DENND4A: variants seen among roughly 807,000 people sequenced by gnomAD.
DENND4A encodes the protein C-myc promoter-binding protein.
Under a neutral mutation model 199.3 loss-of-function variants are expected in DENND4A, and 70 were observed. That is an observed-to-expected ratio of 0.35 (90% CI 0.29 to 0.43). DENND4A has a LOEUF of 0.43. Ranked by LOEUF, DENND4A falls within the 20% of genes least tolerant of loss-of-function variation. The probability of loss-of-function intolerance (pLI) is 1.00; values close to 1 mark genes in which losing one functional copy is unlikely to be tolerated. For synonymous variants in DENND4A, 686 were observed against 766.9 expected (o/e 0.89, Z 1.74); for missense variants, 1,723 against 2,255.8 (o/e 0.76, Z 4.78).
intron 1 of DENND4A, among the ~76,000 whole-genome samples, chr15:65,786,873 T>C (rs1165140000): frequency 6.6e-6 from 1 of 152,086 alleles, no homozygotes. Context: ...ACAAATCAAA[T>C]TCATTACAAC....
intron 1 of DENND4A, among the ~76,000 whole-genome samples, chr15:65,765,717 G>C (rs2076966971): frequency 6.6e-6 from 1 of 152,064 alleles, no homozygotes; most frequent in Admixed American, 6.6e-5. Flanking sequence ...CCCTAGTATT[G>C]CCCTGTATAA....
intron 4 of DENND4A, among the ~76,000 whole-genome samples, chr15:65,748,622 T>TAA (rs35086835): frequency 3.9e-5 from 5 of 127,840 alleles, no homozygotes; most frequent in Non-Finnish European, 5.1e-5. Context: ...ATCCTGTCTC[T>TAA]AAAAAAAAAA....
intron 23 of DENND4A, among the ~76,000 whole-genome samples, chr15:65,679,758 C>T (rs2076508432): frequency 6.6e-6 from 1 of 151,882 alleles, no homozygotes; most frequent in Non-Finnish European, 1.5e-5. Flanking sequence ...TGAACTCAGA[C>T]CTTCCCTTGA....
At chr15:65,696,571 C>G (rs1033882863) in intron 21 of DENND4A, 74 bp from the exon 22 acceptor site, 1 of 1,124,522 alleles carries the variant, frequency 8.9e-7, no homozygotes, top group East Asian at 2.6e-5. Context: ...GAGAAGTTTT[C>G]AGTTCTACAT....
At chr15:65,686,061 C>T (rs907248700) in intron 23 of DENND4A, among the ~76,000 whole-genome samples, 2 of 152,114 alleles carry the variant, frequency 1.3e-5, no homozygotes, top group Non-Finnish European at 2.9e-5. Context: ...CTACAAAATC[C>T]TGCTAGAATT....
intron 12 of DENND4A, among the ~76,000 whole-genome samples, chr15:65,721,525 T>C (rs73471632): frequency 0.014 from 2,076 of 146,980 alleles, 45 homozygotes; most frequent in African/African-American, 0.05. Flanking sequence ...TCCTTAACAG[T>C]AGAAAAGAGC....
chr15:65,752,701 A>G (rs989047624), intron 3 of DENND4A, 73 bp from the exon 4 acceptor site: 1 of 969,734 alleles, frequency 1.0e-6, no homozygotes, highest in African/African-American at 1.7e-5. Flanking sequence ...AGGCATCATC[A>G]ACTGATCCTT....
intron 14 of DENND4A, among the ~76,000 whole-genome samples, chr15:65,709,669 G>A (rs1317727709): frequency 8.5e-6 from 1 of 117,204 alleles, no homozygotes; most frequent in African/African-American, 3.3e-5. Context: ...ACTCCAGCCT[G>A]GGCAACAAGA....
chr15:65,724,283 T>A (rs1596530573), intron 11 of DENND4A, among the ~76,000 whole-genome samples: 1 of 151,964 alleles, frequency 6.6e-6, no homozygotes, highest in African/African-American at 2.4e-5. Flanking sequence ...GGTCTTGAAC[T>A]CCACATCTTA....
chr15:65,731,260 A>AT, intron 9 of DENND4A: 3 of 310,626 alleles, frequency 9.7e-6, no homozygotes, highest in South Asian at 3.1e-5. Flanking sequence ...AATTAGAACT[A>AT]TTTTTTTTCT....
At chr15:65,707,453 C>G (rs1458804810) in intron 14 of DENND4A, among the ~76,000 whole-genome samples, 1 of 152,008 alleles carries the variant, frequency 6.6e-6, no homozygotes, top group Admixed American at 6.6e-5. Context: ...TAAAAATTTT[C>G]TAACACTTAA....
At chr15:65,687,384 T>A (rs562538084) in intron 23 of DENND4A, among the ~76,000 whole-genome samples, 1 of 152,170 alleles carries the variant, frequency 6.6e-6, no homozygotes, top group African/African-American at 2.4e-5. Context: ...TGGACAATTA[T>A]AGGTTTTTCT....
At chr15:65,700,735 T>C in intron 19 of DENND4A, 60 bp from the exon 20 acceptor site, 1 of 1,429,792 alleles carries the variant, frequency 7.0e-7, no homozygotes, top group Non-Finnish European at 9.2e-7. Flanking sequence ...CATTAATTTG[T>C]TGCTCAAGCT....
chr15:65,748,355 T>C (rs1002428854), intron 4 of DENND4A, among the ~76,000 whole-genome samples: 2 of 151,970 alleles, frequency 1.3e-5, no homozygotes, highest in Admixed American at 1.3e-4. Context: ...AAGTCACTCA[T>C]GCCTGCAATC....
chr15:65,739,263 C>G (rs567760240), intron 5 of DENND4A, among the ~76,000 whole-genome samples: 4 of 152,174 alleles, frequency 2.6e-5, no homozygotes, highest in African/African-American at 9.7e-5. Context: ...CTCTCAATAA[C>G]TTTTACACAT....
intron 24 of DENND4A, among the ~76,000 whole-genome samples, chr15:65,674,709 G>C (rs1325561317): frequency 6.7e-6 from 1 of 149,350 alleles, no homozygotes; most frequent in East Asian, 1.9e-4. Context: ...ACTCCAGCCT[G>C]AGCAACAGAG....
intron 9 of DENND4A, 118 bp downstream of exon 9, chr15:65,731,524 G>A: frequency 1.2e-6 from 1 of 803,260 alleles, no homozygotes; most frequent in South Asian, 1.5e-5. Flanking sequence ...ATTTAGAGAA[G>A]TAGTAGTTAA....
Position 65,706,118 on chromosome 15 carries a change from T to C in DENND4A, c.2060A>G (p.Asn687Ser), listed in dbSNP as rs760011499. ...VTPPEIPHLP[N>S]GEEPPLQYSY... ...GTACTGTAAAGGGGGTTCTTCACCA[T>C]TGGGTAGGTGGGGGATCTCAGGTGG... Residue 687 changes from asparagine to serine, a missense_variant, in exon 15 of 33, where the codon AAT becomes AGT. Physicochemically the swap from Asn to Ser is conservative, Grantham distance 46. Transcript: ENST00000443035. 30 of 1,604,948 alleles carry C rather than the reference T, an allele frequency of 1.9e-5. No individual in the cohort carries two copies. Among genetic ancestry groups the C allele is most frequent in the Admixed American group, 5.1e-5 (3 of 58,622 alleles).
At chr15:65,749,344 CT>C (rs2076500346) in intron 4 of DENND4A, among the ~76,000 whole-genome samples, 1 of 152,124 alleles carries the variant, frequency 6.6e-6, no homozygotes, top group Admixed American at 6.5e-5. Flanking sequence ...AAATTTTCTT[CT>C]TTGTAAAATG....
Sources: gnomAD v4.1 joint callset for allele counts (sites outside exome capture counted in the v4.1 genomes callset) on GRCh38, gnomAD v4.1.1 for gene constraint, MANE v1.5 for transcripts, NCBI Gene and HGNC (gene_info 2026-07-23, HGNC 2026-07-21) for gene names.